CTNNA2: variants seen among roughly 807,000 people sequenced by gnomAD.
The protein encoded by CTNNA2 is catenin alpha 2, also known as catenin alpha-2.
CTNNA2 carries 42 observed loss-of-function variants against 101.0 expected under a neutral mutation model. The observed-to-expected ratio is 0.42, with a 90% confidence interval of 0.32 to 0.54. The LOEUF is 0.54. Ranked by LOEUF, CTNNA2 falls within the 20% of genes least tolerant of loss-of-function variation. The pLI is 0.14. For missense variants in CTNNA2, 871 were observed against 1,223.1 expected, an observed-to-expected ratio of 0.71 and a Z score of 4.29; for synonymous variants, 450 against 456.4, an observed-to-expected ratio of 0.99 and a Z score of 0.18.
chr2:80,613,953 C>T (rs1023717092), intron 17 of CTNNA2, among the ~76,000 whole-genome samples: 1 of 151,316 alleles, frequency 6.6e-6, no homozygotes, highest in Non-Finnish European at 1.5e-5. Context: ...GAAGAGTGTC[C>T]CCTGAGATAT....
At chr2:80,415,421 TC>T (rs1679953759) in intron 8 of CTNNA2, among the ~76,000 whole-genome samples, 1 of 152,202 alleles carries the variant, frequency 6.6e-6, no homozygotes, top group African/African-American at 2.4e-5. Flanking sequence ...TTTGTTTTTT[TC>T]TTTTTTTGTA....
Position 79,846,522 on chromosome 2 carries a change from G to T in CTNNA2, c.299-11491G>T, listed in dbSNP as rs1460712103. 2.0e-5 allele frequency among the ~76,000 whole-genome samples: 3 copies of T among 152,200 alleles called. No homozygotes were observed. The East Asian group carries it at 5.8e-4, about 29-fold the overall frequency. ...ACTTACAAATACATACACATAAGTG[G>T]AGTATCAAGACATCCAAACTGATAT... On this transcript the variant is annotated intron_variant, in intron 3 of 18. Transcript: ENST00000402739.
chr2:79,759,971 C>T (rs1302922665), intron 3 of CTNNA2, among the ~76,000 whole-genome samples: 1 of 152,142 alleles, frequency 6.6e-6, no homozygotes, highest in East Asian at 1.9e-4. Flanking sequence ...TGCTCCAAAG[C>T]AGGTCTTAAA....
chr2:79,336,936 C>G (rs1266896099), intron 3 of CTNNA2, among the ~76,000 whole-genome samples: 2 of 152,118 alleles, frequency 1.3e-5, no homozygotes, highest in African/African-American at 4.8e-5. Context: ...CCAGACTCTT[C>G]CCAGATTGTG....
At chr2:79,229,322 C>T (rs746894175) in intron 2 of CTNNA2, among the ~76,000 whole-genome samples, 2 of 152,042 alleles carry the variant, frequency 1.3e-5, no homozygotes, top group African/African-American at 2.4e-5. Context: ...TGGGAGGGAC[C>T]CAGTGGGAGG....
At chr2:79,710,246 G>A (rs960091054) in intron 2 of CTNNA2, among the ~76,000 whole-genome samples, 1 of 151,722 alleles carries the variant, frequency 6.6e-6, no homozygotes, top group Non-Finnish European at 1.5e-5. Flanking sequence ...CTTATCATAT[G>A]AAGATGAAAA....
At chr2:79,429,488 T>C (rs1678627924) in intron 4 of CTNNA2, among the ~76,000 whole-genome samples, 1 of 152,182 alleles carries the variant, frequency 6.6e-6, no homozygotes, top group African/African-American at 2.4e-5. Flanking sequence ...CATTTTATCA[T>C]ATCACTTTTA....
chr2:79,726,509 A>C (rs933162234), intron 2 of CTNNA2, among the ~76,000 whole-genome samples: 1 of 152,102 alleles, frequency 6.6e-6, no homozygotes, highest in African/African-American at 2.4e-5. Flanking sequence ...TGAAGGATCT[A>C]GGTTGCATGC....
intron 9 of CTNNA2, among the ~76,000 whole-genome samples, chr2:80,540,769 A>G (rs1039301145): frequency 1.3e-5 from 2 of 152,062 alleles, no homozygotes; most frequent in Non-Finnish European, 2.9e-5. Context: ...ATCTCAGCTC[A>G]CTGCAAACTG....
At chr2:79,430,258 C>G (rs1178301202) in intron 4 of CTNNA2, among the ~76,000 whole-genome samples, 2 of 151,904 alleles carry the variant, frequency 1.3e-5, no homozygotes, top group African/African-American at 2.4e-5. Flanking sequence ...CTTCAAAGGC[C>G]CGAGGGACAA....
intron 8 of CTNNA2, among the ~76,000 whole-genome samples, chr2:80,395,089 G>A (rs1341062585): frequency 1.3e-5 from 2 of 152,032 alleles, no homozygotes; most frequent in Admixed American, 1.3e-4. Flanking sequence ...TTACTCTTAT[G>A]TTACAATTCC....
At chr2:79,901,727 A>G (rs74670716) in intron 6 of CTNNA2, among the ~76,000 whole-genome samples, 2,180 of 152,344 alleles carry the variant, frequency 0.014, 152 homozygotes, top group Admixed American at 0.11. Context: ...CTTGGCTAGT[A>G]AAGACCATTG....
intron 7 of CTNNA2, among the ~76,000 whole-genome samples, chr2:80,334,482 T>G (rs2149268188): frequency 6.6e-6 from 1 of 152,278 alleles, no homozygotes; most frequent in African/African-American, 2.4e-5. Context: ...AACAAGACAC[T>G]TGTGAGAATG....
At chr2:80,366,325 A>C (rs1674928725) in intron 7 of CTNNA2, among the ~76,000 whole-genome samples, 1 of 152,140 alleles carries the variant, frequency 6.6e-6, no homozygotes, top group Admixed American at 6.5e-5. Flanking sequence ...GGGTTAATCA[A>C]GTTAAACAGA....
intron 3 of CTNNA2, among the ~76,000 whole-genome samples, chr2:79,811,790 A>G (rs1015344321): frequency 1.1e-4 from 16 of 152,202 alleles, no homozygotes; most frequent in African/African-American, 3.6e-4. Flanking sequence ...TCCTGGGATT[A>G]TAGTCAATCT....
chr2:79,633,035 A>C (rs534328965), intron 1 of CTNNA2, among the ~76,000 whole-genome samples: 65 of 152,360 alleles, frequency 4.3e-4, no homozygotes, highest in African/African-American at 1.5e-3. Context: ...CAGCCCCTTC[A>C]AAAGTACCAC....
At chr2:80,226,113 A>G (rs1409550094) in intron 7 of CTNNA2, among the ~76,000 whole-genome samples, 1 of 152,196 alleles carries the variant, frequency 6.6e-6, no homozygotes, top group Admixed American at 6.5e-5. Context: ...GAGATAATCC[A>G]TCCTTATGAT....
intron 7 of CTNNA2, among the ~76,000 whole-genome samples, chr2:80,329,838 G>A (rs540930522): frequency 5.3e-5 from 8 of 152,292 alleles, no homozygotes; most frequent in South Asian, 2.1e-4. Context: ...TTTTGTATTC[G>A]ACTGTACCTG....
intron 1 of CTNNA2, among the ~76,000 whole-genome samples, chr2:79,577,330 A>C (rs1399374633): frequency 6.6e-6 from 1 of 152,084 alleles, no homozygotes; most frequent in Non-Finnish European, 1.5e-5. Flanking sequence ...TAGTTACATC[A>C]AAATATATTT....
Sources: allele counts gnomAD v4.1 joint callset (sites outside exome capture counted in the v4.1 genomes callset), GRCh38; gene constraint gnomAD v4.1.1; transcripts MANE v1.5; gene names NCBI Gene and HGNC (gene_info 2026-07-23, HGNC 2026-07-21).